The following NAV2 variants were observed in gnomAD, a reference collection of about 807,000 sequenced individuals.
The protein encoded by NAV2 is helicase, APC down-regulated 1.
NAV2 carries 54 observed loss-of-function variants against 223.2 expected under a neutral mutation model. That is an observed-to-expected ratio of 0.24 (90% confidence interval 0.19 to 0.30). The LOEUF (loss-of-function observed/expected upper bound fraction) is 0.30. Ranked by LOEUF, NAV2 falls within the 10% of genes least tolerant of loss-of-function variation. NAV2 has a pLI of 1.00. For missense variants in NAV2, 2,806 were observed against 3,147.5 expected, an observed-to-expected ratio of 0.89 and a Z score of 2.60; for synonymous variants, 1,279 against 1,239.3, an observed-to-expected ratio of 1.03 and a Z score of -0.67.
intron 22 of NAV2, among the ~76,000 whole-genome samples, chr11:20,074,766 T>C (rs2059617234): frequency 1.4e-5 from 2 of 142,214 alleles, no homozygotes; most frequent in Admixed American, 1.4e-4. Context: ...TCTGCTTTTT[T>C]TTTTTTTTTT....
chr11:19,860,913 C>T (rs1031063710), intron 3 of NAV2, among the ~76,000 whole-genome samples: 10 of 150,876 alleles, frequency 6.6e-5, no homozygotes, highest in East Asian at 2.0e-4. Flanking sequence ...CGCCTGCAAT[C>T]GCAGGCACTC....
chr11:19,852,905 T>C (rs1369408391), intron 3 of NAV2, among the ~76,000 whole-genome samples: 6 of 152,224 alleles, frequency 3.9e-5, no homozygotes, highest in Non-Finnish European at 8.8e-5. Flanking sequence ...TTGAGCGCAC[T>C]GTGTAAGTTT....
intron 6 of NAV2, among the ~76,000 whole-genome samples, chr11:19,897,342 C>G (rs946432274): frequency 6.6e-6 from 1 of 151,990 alleles, no homozygotes; most frequent in South Asian, 2.1e-4. Flanking sequence ...TGTAACTAAC[C>G]TGCACGTTGT....
chr11:19,455,919 C>T (rs1312958443), intron 1 of NAV2, among the ~76,000 whole-genome samples: 1 of 152,208 alleles, frequency 6.6e-6, no homozygotes, highest in Non-Finnish European at 1.5e-5. Flanking sequence ...GGTGTTTGAC[C>T]TATAGAAGGC....
At chr11:19,492,676 C>A (rs1032710251) in intron 1 of NAV2, among the ~76,000 whole-genome samples, 1 of 152,240 alleles carries the variant, frequency 6.6e-6, no homozygotes, top group South Asian at 2.1e-4. Flanking sequence ...CTTCCTCTGT[C>A]CTATTTAGCA....
chr11:19,652,665 A>G (rs2048003407), intron 1 of NAV2, among the ~76,000 whole-genome samples: 1 of 152,184 alleles, frequency 6.6e-6, no homozygotes. Flanking sequence ...TTTATCCTCC[A>G]TGGCTGCCCT....
At chr11:19,661,104 C>T (rs186659747) in intron 1 of NAV2, among the ~76,000 whole-genome samples, 57 of 152,248 alleles carry the variant, frequency 3.7e-4, no homozygotes, top group South Asian at 3.7e-3. Context: ...TCTACCCTGT[C>T]GCCCCAGCTC....
intron 11 of NAV2, among the ~76,000 whole-genome samples, chr11:20,011,001 G>A (rs1325400548): frequency 6.6e-6 from 1 of 152,156 alleles, no homozygotes; most frequent in Non-Finnish European, 1.5e-5. Flanking sequence ...ATGAAATCAG[G>A]CTTTCCCATC....
intron 6 of NAV2, among the ~76,000 whole-genome samples, chr11:19,893,840 C>T (rs1318517877): frequency 6.6e-6 from 1 of 152,216 alleles, no homozygotes; most frequent in Non-Finnish European, 1.5e-5. Context: ...GCCCTCTTCT[C>T]TCCCACTTTC....
In NAV2 at chr11:20,048,790, C is replaced by T. The variant is rs764024557; in HGVS notation, c.3965C>T (p.Ser1322Leu). The T allele has an allele frequency of 8.3e-5, 134 of 1,614,020 alleles. 2 individuals carry two copies. The East Asian group carries it at 2.0e-3, about 24-fold the overall frequency. Residue 1322 changes from serine to leucine, a missense_variant, in exon 15 of 38, where the codon TCG becomes TTG. Physicochemically the swap from Ser to Leu is moderately radical, Grantham distance 145. This residue lies in a region of NAV2 where 742 missense variants were observed against 777.9 expected (regional missense o/e 0.95). Transcript: ENST00000349880. ...GCCACAGCTGAAAACATGAAAAATTCGGTGGTCATCTCCAATCCTCATGCC... is the reference window on the plus strand; with the variant it reads ...GCCACAGCTGAAAACATGAAAAATTTGGTGGTCATCTCCAATCCTCATGCC... ...PIATAENMKN[S>L]VVISNPHATM...
chr11:19,636,320 T>C (rs1386426763), intron 1 of NAV2, among the ~76,000 whole-genome samples: 2 of 152,166 alleles, frequency 1.3e-5, no homozygotes, highest in Non-Finnish European at 2.9e-5. Context: ...GCTCTTGGTC[T>C]GTAGCTGACT....
intron 1 of NAV2, among the ~76,000 whole-genome samples, chr11:19,767,935 G>A (rs550019194): frequency 6.6e-6 from 1 of 152,310 alleles, no homozygotes; most frequent in East Asian, 1.9e-4. Flanking sequence ...TCTCTTCCCT[G>A]CAGACGGGCT....
At chr11:20,027,317 CG>C (rs1484654579) in intron 11 of NAV2, 27 of 985,350 alleles carry the variant, frequency 2.7e-5, no homozygotes, top group Non-Finnish European at 3.1e-5. Context: ...CGGGGTTTCA[CG>C]GGAACAATTG....
chr11:19,488,555 A>T (rs2042523207), intron 1 of NAV2, among the ~76,000 whole-genome samples: 1 of 152,156 alleles, frequency 6.6e-6, no homozygotes, highest in African/African-American at 2.4e-5. Flanking sequence ...TCCTTCCCAG[A>T]TGTGTACCCT....
chr11:19,866,087 A>G (rs1351484750), intron 3 of NAV2, among the ~76,000 whole-genome samples: 1 of 152,248 alleles, frequency 6.6e-6, no homozygotes, highest in Non-Finnish European at 1.5e-5. Context: ...AACCAACACC[A>G]TCCAAAGAAT....
rs750336812 is a variant in NAV2 at position 19,933,230 on chromosome 11, C to T, written c.986C>T (p.Ala329Val). Residue 329 changes from alanine to valine, a missense_variant, in exon 7 of 38, where the codon GCT becomes GTT. Around this residue, in one of 4 missense-constraint regions of NAV2, gnomAD observed 1,167 missense variants for 1,180.5 expected, o/e 0.99. Transcript: ENST00000349880. The surrounding 1 kb of genome is among the most constrained non-coding windows in gnomAD (Gnocchi z 4.3). ...CCCGGAATGAGTGACAATGCACCTG[C>T]TTCCTTGGAGAGCGGCAGCAGCTCC... ...SHPGMSDNAPASLESGSSSTP... is the reference protein window; with the variant it reads ...SHPGMSDNAPVSLESGSSSTP... The T allele has an allele frequency of 4.4e-6, 7 of 1,585,950 alleles. No individual in the cohort carries two copies. Among genetic ancestry groups the T allele is most frequent in the Non-Finnish European group, 6.0e-6 (7 of 1,165,440 alleles).
chr11:19,454,988 T>C (rs1204363824), intron 1 of NAV2, among the ~76,000 whole-genome samples: 1 of 152,080 alleles, frequency 6.6e-6, no homozygotes, highest in Non-Finnish European at 1.5e-5. Context: ...AAATGCAAAT[T>C]CTCAGGCCCC....
chr11:19,494,699 A>T (rs2042737683), intron 1 of NAV2, among the ~76,000 whole-genome samples: 1 of 152,168 alleles, frequency 6.6e-6, no homozygotes, highest in Non-Finnish European at 1.5e-5. Context: ...TCTCTGGAAG[A>T]TGTAATACTG....
intron 1 of NAV2, among the ~76,000 whole-genome samples, chr11:19,823,130 G>A (rs1176140262): frequency 6.6e-6 from 1 of 152,124 alleles, no homozygotes; most frequent in African/African-American, 2.4e-5. Flanking sequence ...CTGTAGCCTC[G>A]ACCTCCTGGG....
Sources: gnomAD v4.1 joint callset for allele counts (sites outside exome capture counted in the v4.1 genomes callset) on GRCh38, gnomAD v4.1.1 for gene constraint, gnomAD v4.1.1 regional missense constraint, Gnocchi (gnomAD v3.1) non-coding constraint, MANE v1.5 for transcripts, NCBI Gene and HGNC (gene_info 2026-07-23, HGNC 2026-07-21) for gene names.